The following CDK19 variants were observed in gnomAD, a reference collection of about 807,000 sequenced individuals.
CDK19 encodes the protein cyclin dependent kinase 19.
In CDK19, 20 loss-of-function variants were observed where a neutral mutation model predicts 68.3. The ratio of observed to expected loss-of-function variants is 0.29; its 90% CI spans 0.21 to 0.43. The LOEUF is 0.43. CDK19 is among the 20% of genes least tolerant of loss of function. CDK19 has a pLI of 1.00. For synonymous variants in CDK19, 221 were observed against 222.8 expected (o/e 0.99, Z 0.07); for missense variants, 339 against 623.5 (o/e 0.54, Z 4.86).
chr6:110,733,213 T>C (rs565432154), intron 2 of CDK19, among the ~76,000 whole-genome samples: 11 of 152,348 alleles, frequency 7.2e-5, no homozygotes, highest in Admixed American at 1.3e-4. Context: ...ATATGTGTTA[T>C]TTTGTATCTG....
intron 6 of CDK19, among the ~76,000 whole-genome samples, chr6:110,627,351 T>C (rs965362016): frequency 2.6e-5 from 4 of 151,824 alleles, no homozygotes; most frequent in African/African-American, 9.7e-5. Context: ...TGTGTGTGTA[T>C]GTGTATATAT....
intron 2 of CDK19, among the ~76,000 whole-genome samples, chr6:110,724,833 A>G (rs914341313): frequency 1.3e-5 from 2 of 152,128 alleles, no homozygotes; most frequent in Admixed American, 1.3e-4. Flanking sequence ...CTACAGTGCA[A>G]TATCAGAAGT....
chr6:110,794,406 C>CTTTT (rs58569860), intron 1 of CDK19, among the ~76,000 whole-genome samples: 1 of 131,996 alleles, frequency 7.6e-6, no homozygotes, highest in Non-Finnish European at 1.6e-5. Flanking sequence ...TAGTTTGAAA[C>CTTTT]TTTTTTTTTT....
Position 110,625,113 on chromosome 6 carries a change from T to C in CDK19, c.860+1663A>G, listed in dbSNP as rs1235568163. 2.0e-5 allele frequency among the ~76,000 whole-genome samples: 3 copies of C among 152,148 alleles called. No individual in the cohort carries two copies. The East Asian group carries it at 5.8e-4, about 29-fold the overall frequency. On this transcript the variant is annotated intron_variant, in intron 8 of 12. Coordinates refer to ENST00000368911, the MANE Select transcript of CDK19 (RefSeq NM_015076.5). ...CAAAGGGCATACATATTTTAAAGCC[T>C]TTTTTAGGTGCTCTAGAATCTCGCT...
intron 2 of CDK19, among the ~76,000 whole-genome samples, chr6:110,719,858 G>A (rs1327266761): frequency 2.0e-5 from 3 of 151,988 alleles, no homozygotes; most frequent in Non-Finnish European, 4.4e-5. Flanking sequence ...AGACTCCTGA[G>A]TAGCTGGGAT....
At chr6:110,667,395 G>T in intron 4 of CDK19, 39 bp downstream of exon 4, 4 of 1,365,248 alleles carry the variant, frequency 2.9e-6, no homozygotes, top group Non-Finnish European at 3.0e-6. Context: ...AAAAGAGTAG[G>T]GAAAAACATA....
chr6:110,770,608 C>T (rs1394495555), intron 1 of CDK19, among the ~76,000 whole-genome samples: 2 of 152,152 alleles, frequency 1.3e-5, no homozygotes, highest in Non-Finnish European at 2.9e-5. Context: ...CCACTCCTGA[C>T]CCCTCCAAAT....
chr6:110,690,967 C>A (rs1303024229), intron 2 of CDK19, among the ~76,000 whole-genome samples: 3 of 152,090 alleles, frequency 2.0e-5, no homozygotes, highest in Non-Finnish European at 2.9e-5. Context: ...TATGATAAAA[C>A]AGAGCTCAGC....
At chr6:110,801,354 G>T (rs778721290) in intron 1 of CDK19, among the ~76,000 whole-genome samples, 1 of 152,048 alleles carries the variant, frequency 6.6e-6, no homozygotes, top group Non-Finnish European at 1.5e-5. Context: ...GCTTAATGGT[G>T]TACGCCTGTG....
intron 1 of CDK19, among the ~76,000 whole-genome samples, chr6:110,792,570 G>A (rs541761576): frequency 6.6e-6 from 1 of 152,228 alleles, no homozygotes; most frequent in Admixed American, 6.5e-5. Context: ...ACCACGCCCG[G>A]CTAATTTTGG....
Position 110,626,818 on chromosome 6 carries a change from A to G in CDK19, c.818T>C (p.Met273Thr). Residue 273 changes from methionine (M) to threonine (T), a missense_variant, in exon 8 of 13, where the codon ATG becomes ACG. Met to Thr is a moderately conservative substitution (Grantham distance 81). Transcript: ENST00000368911. Reference protein sequence around the residue: ...ADKDWEDIRKMPEYPTLQKDF... With the variant: ...ADKDWEDIRKTPEYPTLQKDF... The stretch of plus-strand genomic sequence containing the variant: ...TTTTTGAAGTGTGGGATATTCTGGC[A>G]TCTTTCTAATATCTTCCCAGTCTTT... 2 of 1,580,514 alleles carry G rather than the reference A, an allele frequency of 1.3e-6. No individual in the cohort carries two copies. Among genetic ancestry groups the G allele is most frequent in the African/African-American group, 1.3e-5 (1 of 74,392 alleles).
At chr6:110,713,564 T>C (rs1775134074) in intron 2 of CDK19, among the ~76,000 whole-genome samples, 1 of 151,252 alleles carries the variant, frequency 6.6e-6, no homozygotes, top group Non-Finnish European at 1.5e-5. Context: ...ACCCAGCTAA[T>C]ATTTTCATTT....
chr6:110,618,061 TTTCATGAATA>T (rs1315013463), intron 12 of CDK19, among the ~76,000 whole-genome samples: 1 of 151,990 alleles, frequency 6.6e-6, no homozygotes, highest in African/African-American at 2.4e-5. Flanking sequence ...TTCCAGGAAT[TTTCATGAATA>T]TTCCACCCTT....
chr6:110,783,843 T>G (rs1170779883), intron 1 of CDK19, among the ~76,000 whole-genome samples: 1 of 151,718 alleles, frequency 6.6e-6, no homozygotes, highest in Non-Finnish European at 1.5e-5. Flanking sequence ...AATCACAAAA[T>G]CAAAGAAGTG....
At chr6:110,811,835 C>T (rs1783124245) in intron 1 of CDK19, among the ~76,000 whole-genome samples, 2 of 151,768 alleles carry the variant, frequency 1.3e-5, no homozygotes, top group Non-Finnish European at 1.5e-5. Context: ...CAGCAAGACC[C>T]TGTCTGTAAA....
intron 2 of CDK19, among the ~76,000 whole-genome samples, chr6:110,743,274 G>A (rs372248042): frequency 4.6e-5 from 7 of 152,252 alleles, no homozygotes; most frequent in African/African-American, 1.7e-4. Context: ...AGTATTTAGA[G>A]TACTGATAAA....
chr6:110,812,992 G>C (rs1783227505), intron 1 of CDK19, among the ~76,000 whole-genome samples: 1 of 150,458 alleles, frequency 6.6e-6, no homozygotes, highest in East Asian at 2.0e-4. Flanking sequence ...CTTTATTACG[G>C]TTTTTCTTAT....
intron 2 of CDK19, among the ~76,000 whole-genome samples, chr6:110,697,456 A>C (rs769717564): frequency 6.6e-6 from 1 of 152,136 alleles, no homozygotes; most frequent in Non-Finnish European, 1.5e-5. Flanking sequence ...CTAACCAAGG[A>C]GGTGAAAGCT....
chr6:110,672,787 C>T (rs1452619078), intron 2 of CDK19, among the ~76,000 whole-genome samples: 5 of 151,928 alleles, frequency 3.3e-5, no homozygotes, highest in Non-Finnish European at 5.9e-5. Flanking sequence ...AGAAATACTT[C>T]CTTCAGGTGA....
Sources: gnomAD v4.1 joint callset for allele counts (sites outside exome capture counted in the v4.1 genomes callset) on GRCh38, gnomAD v4.1.1 for gene constraint, MANE v1.5 for transcripts, NCBI Gene and HGNC (gene_info 2026-07-23, HGNC 2026-07-21) for gene names.